CCDC178: variants seen among roughly 807,000 people sequenced by gnomAD.
CCDC178 encodes the protein coiled-coil domain-containing protein 178.
Under a neutral mutation model 117.4 loss-of-function variants are expected in CCDC178, and 126 were observed. The observed-to-expected ratio is 1.07, with a 90% CI of 0.93 to 1.24. The LOEUF (loss-of-function observed/expected upper bound fraction) is 1.24, where lower values mean the gene tolerates loss of function less well. Ranked by LOEUF, CCDC178 falls within the 50% of genes most tolerant of loss-of-function variation. The pLI, the probability that CCDC178 is intolerant of heterozygous loss-of-function variation, is 0.00. For missense variants in CCDC178, 1,030 were observed against 986.9 expected, an observed-to-expected ratio of 1.04 and a Z score of -0.59; for synonymous variants, 283 against 313.4, an observed-to-expected ratio of 0.90 and a Z score of 1.02.
intron 20 of CCDC178, among the ~76,000 whole-genome samples, chr18:33,155,423 G>C (rs974436560): frequency 3.3e-5 from 5 of 152,046 alleles, no homozygotes; most frequent in Admixed American, 3.3e-4. Flanking sequence ...TTTAAAATCA[G>C]TTATCTAAAT....
intron 21 of CCDC178, among the ~76,000 whole-genome samples, chr18:33,046,088 A>G (rs2056637382): frequency 6.6e-6 from 1 of 152,206 alleles, no homozygotes; most frequent in African/African-American, 2.4e-5. Flanking sequence ...GTCTTATAAT[A>G]TTTAGTAAGA....
At chr18:33,434,255 G>T (rs1388943314) in intron 2 of CCDC178, among the ~76,000 whole-genome samples, 3 of 152,020 alleles carry the variant, frequency 2.0e-5, no homozygotes. Context: ...AATAAGAGTG[G>T]AAATGTGTAG....
At chr18:33,270,980 A>T (rs1044045134) in intron 12 of CCDC178, among the ~76,000 whole-genome samples, 2 of 151,754 alleles carry the variant, frequency 1.3e-5, no homozygotes, top group East Asian at 3.9e-4. Context: ...AAAGGAAGAA[A>T]GAAAGCTATA....
At chr18:33,296,305 G>A (rs2062105227) in intron 11 of CCDC178, among the ~76,000 whole-genome samples, 3 of 152,110 alleles carry the variant, frequency 2.0e-5, no homozygotes, top group South Asian at 2.1e-4. Flanking sequence ...AATAAAAAGG[G>A]TAGCACAAGG....
intron 20 of CCDC178, among the ~76,000 whole-genome samples, chr18:33,102,742 G>A (rs185741692): frequency 4.0e-5 from 6 of 151,768 alleles, no homozygotes; most frequent in Admixed American, 6.6e-5. Flanking sequence ...TAACCATTTC[G>A]GGATGTATCT....
intron 12 of CCDC178, among the ~76,000 whole-genome samples, chr18:33,277,267 T>C (rs1339707147): frequency 6.6e-6 from 1 of 152,124 alleles, no homozygotes; most frequent in Admixed American, 6.6e-5. Context: ...CAGTAAGAAT[T>C]ATCATTATTT....
At chr18:32,980,433 C>G (rs1253070710) in intron 21 of CCDC178, among the ~76,000 whole-genome samples, 1 of 151,586 alleles carries the variant, frequency 6.6e-6, no homozygotes, top group African/African-American at 2.4e-5. Flanking sequence ...TAGCCGGGCG[C>G]AGTGGCGGGC....
At chr18:33,055,234 A>T (rs929304066) in intron 21 of CCDC178, among the ~76,000 whole-genome samples, 5 of 152,012 alleles carry the variant, frequency 3.3e-5, no homozygotes, top group Non-Finnish European at 7.4e-5. Context: ...GTTCACTCTG[A>T]TGATAGTTTA....
chr18:33,226,858 A>T lies in CCDC178; in HGVS notation c.1594-3T>A, dbSNP rs375622157. The T allele has an allele frequency of 6.6e-7, 1 of 1,525,456 alleles. No homozygotes were observed. Among genetic ancestry groups the T allele is most frequent in the Non-Finnish European group, 8.9e-7 (1 of 1,128,642 alleles). The allele number at this position is 1,525,456 out of a possible 1,614,324, so 94.5% of individuals were successfully genotyped here. On this transcript the variant is annotated splice_region_variant and splice_polypyrimidine_tract_variant and intron_variant, in intron 15 of 22. Coordinates refer to ENST00000383096, the MANE Select transcript of CCDC178 (RefSeq NM_001105528.4). ...TTTTTCAGGAATTCTTCTCTACCCTATATGTTAGGAAATTTTTAAAATGAG... is the reference window on the plus strand; with the variant it reads ...TTTTTCAGGAATTCTTCTCTACCCTTTATGTTAGGAAATTTTTAAAATGAG...
At chr18:33,363,701 A>G (rs538533820) in intron 6 of CCDC178, among the ~76,000 whole-genome samples, 4 of 152,208 alleles carry the variant, frequency 2.6e-5, no homozygotes, top group Admixed American at 2.6e-4. Flanking sequence ...ACTTTAGTTC[A>G]TAGATCTATG....
At chr18:33,117,933 C>A (rs986270234) in intron 20 of CCDC178, among the ~76,000 whole-genome samples, 2 of 151,974 alleles carry the variant, frequency 1.3e-5, no homozygotes, top group African/African-American at 4.8e-5. Flanking sequence ...CCCTGGAGGG[C>A]CTCCTTATTA....
At chr18:33,219,129 A>G (rs990538873) in intron 18 of CCDC178, among the ~76,000 whole-genome samples, 2 of 152,074 alleles carry the variant, frequency 1.3e-5, no homozygotes, top group African/African-American at 2.4e-5. Context: ...TATTTCATTG[A>G]GCAGTGGTTT....
chr18:32,957,618 C>T (rs537630643), intron 22 of CCDC178, among the ~76,000 whole-genome samples: 8 of 152,264 alleles, frequency 5.3e-5, no homozygotes, highest in African/African-American at 1.7e-4. Context: ...TTTTTAACAA[C>T]ATTAGGATAT....
intron 5 of CCDC178, among the ~76,000 whole-genome samples, chr18:33,375,375 C>A (rs2063350693): frequency 6.6e-6 from 1 of 152,070 alleles, no homozygotes; most frequent in Admixed American, 6.6e-5. Context: ...GTGCTTAACT[C>A]TTAACTAAAC....
At chr18:33,258,679 G>A (rs1397736385) in intron 14 of CCDC178, among the ~76,000 whole-genome samples, 2 of 152,100 alleles carry the variant, frequency 1.3e-5, no homozygotes, top group East Asian at 3.9e-4. Context: ...AGGTGCTCAG[G>A]ACATACAAAC....
At chr18:33,392,012 C>A (rs368442490) in intron 4 of CCDC178, among the ~76,000 whole-genome samples, 15 of 151,758 alleles carry the variant, frequency 9.9e-5, no homozygotes, top group Non-Finnish European at 1.8e-4. Flanking sequence ...TACAGGAGTG[C>A]GCCACCATGC....
At chr18:33,327,678 T>A (rs2062603639) in intron 10 of CCDC178, among the ~76,000 whole-genome samples, 1 of 152,188 alleles carries the variant, frequency 6.6e-6, no homozygotes, top group Admixed American at 6.5e-5. Context: ...TGGTTTTGAT[T>A]TGCATTTTTT....
rs1340183117 is a variant in CCDC178, at chr18:33,111,711, G to T, written c.2239-18801C>A. Among the ~76,000 whole-genome samples, 5 of 151,640 alleles carry T rather than the reference G, an allele frequency of 3.3e-5. No homozygotes were observed. In the Admixed American group the frequency reaches 3.3e-4, roughly 10 times the overall value. ...AATAACAGGTTTCAAAATCATTTGT[G>T]TACTAGCTGTGTGTTACTGTTATCC... On this transcript the variant is annotated intron_variant, in intron 20 of 22. Coordinates refer to ENST00000383096, the MANE Select transcript of CCDC178 (RefSeq NM_001105528.4).
At chr18:33,319,791 G>A (rs1388081955) in intron 11 of CCDC178, among the ~76,000 whole-genome samples, 4 of 152,172 alleles carry the variant, frequency 2.6e-5, no homozygotes, top group African/African-American at 4.8e-5. Context: ...GATGGCCAGT[G>A]ATGATGAGCA....
Sources: allele counts gnomAD v4.1 joint callset (sites outside exome capture counted in the v4.1 genomes callset), GRCh38; gene constraint gnomAD v4.1.1; transcripts MANE v1.5; gene names NCBI Gene and HGNC (gene_info 2026-07-23, HGNC 2026-07-21).